CEP72: variants seen among roughly 807,000 people sequenced by gnomAD.
CEP72 encodes the protein centrosomal protein 72.
A neutral mutation model predicts 65.7 loss-of-function variants in CEP72; 78 were observed. That is an observed-to-expected ratio of 1.19 (90% CI 0.99 to 1.43). CEP72 has a LOEUF of 1.43. CEP72 is among the 40% of genes most tolerant of loss of function. The probability of loss-of-function intolerance (pLI) is 0.00; values close to 1 mark genes in which losing one functional copy is unlikely to be tolerated. For missense variants in CEP72, 914 were observed against 832.9 expected (o/e 1.10, Z -1.20); for synonymous variants, 358 against 351.7 (o/e 1.02, Z -0.20).
At chr5:652,902 A>G in intron 11 of CEP72, 86 bp from the exon 12 acceptor site, 1 of 1,393,206 alleles carries the variant, frequency 7.2e-7, no homozygotes, top group Non-Finnish European at 9.5e-7. Flanking sequence ...GTGCCCATGC[A>G]GGGAGGTGGG....
intron 9 of CEP72, among the ~76,000 whole-genome samples, chr5:643,881 G>C (rs1738231654): frequency 6.6e-6 from 1 of 152,242 alleles, no homozygotes; most frequent in Admixed American, 6.5e-5. Context: ...GGGGGTTCCT[G>C]CAGGGCCACC....
chr5:647,428 C>T (rs552817160), intron 10 of CEP72, among the ~76,000 whole-genome samples: 76 of 152,356 alleles, frequency 5.0e-4, no homozygotes, highest in African/African-American at 1.5e-3. Flanking sequence ...GTGCTTTTCC[C>T]GAAACCCACA....
At chr5:613,375 CG>C (rs974350286) in intron 1 of CEP72, among the ~76,000 whole-genome samples, 1 of 150,352 alleles carries the variant, frequency 6.7e-6, no homozygotes, top group Non-Finnish European at 1.5e-5. Flanking sequence ...GAGATCTGAG[CG>C]GTTTTTTTTT....
the CEP72 span, among the ~76,000 whole-genome samples, chr5:675,541 C>T: frequency 2.6e-4 from 11 of 42,906 alleles, no homozygotes; most frequent in East Asian, 3.3e-3. Flanking sequence ...CCGGGGATGC[C>T]GTGTGGCCGG....
intron 8 of CEP72, 64 bp from the exon 9 acceptor site, chr5:640,344 G>T (rs903221610): frequency 1.9e-6 from 3 of 1,563,874 alleles, no homozygotes; most frequent in African/African-American, 1.4e-5. Context: ...ATACTGAGCC[G>T]ATTTTGTTTA....
chr5:639,498 T>G lies in CEP72; in HGVS notation c.1342+274T>G, dbSNP rs1737857563. Among the ~76,000 whole-genome samples the G allele has an allele frequency of 2.0e-5, 3 of 152,252 alleles. No individual in the cohort carries two copies. In the South Asian group the frequency reaches 6.2e-4, roughly 32 times the overall value. On this transcript the variant is annotated intron_variant, in intron 8 of 11. Transcript: ENST00000264935. The stretch of plus-strand genomic sequence containing the variant: ...GCCTGTCACCTCATTTTGCTCAAAA[T>G]GCTGTCCAAAGGGGCTTGGTTCTGA...
chr5:644,255 C>T, intron 9 of CEP72, 44 bp from the exon 10 acceptor site: 1 of 1,598,382 alleles, frequency 6.3e-7, no homozygotes, highest in South Asian at 1.1e-5. Flanking sequence ...ACGCATTTTA[C>T]TGAATTTGAC....
At position 624,143 on chromosome 5, in the gene CEP72, C is replaced by G. The variant is rs946609022; in HGVS notation, c.404-328C>G. On this transcript the variant is annotated intron_variant, in intron 3 of 11. Transcript: ENST00000264935. This position sits in a 1 kb window ranked among gnomAD's most constrained non-coding sequence, Gnocchi z 4.7. Reference sequence around the variant, plus strand: ...GCAGGCTCCCTCCGTGGAGGCTTCTCTGGGTTACCTGAGTGTGACTTGAGA... The same window carrying G: ...GCAGGCTCCCTCCGTGGAGGCTTCTGTGGGTTACCTGAGTGTGACTTGAGA... 6.6e-6 allele frequency among the ~76,000 whole-genome samples: 1 copy of G among 152,220 alleles called. No individual in the cohort carries two copies. The highest frequency in any genetic ancestry group is 6.5e-5 in the Admixed American group (1 of 15,284).
At chr5:658,183 A>G (rs560157483), downstream of CEP72, among the ~76,000 whole-genome samples, 54 of 152,374 alleles carry the variant, frequency 3.5e-4, no homozygotes, top group African/African-American at 1.2e-3. Context: ...GGTAGAGACC[A>G]TCTCCAGCCA....
chr5:637,149 G>T (rs910076707), intron 6 of CEP72, among the ~76,000 whole-genome samples: 2 of 152,190 alleles, frequency 1.3e-5, no homozygotes, highest in Non-Finnish European at 2.9e-5. Context: ...TTCAGAGATG[G>T]GCGTGTGCTT....
chr5:629,003 G>A (rs543882205), intron 4 of CEP72, among the ~76,000 whole-genome samples: 7 of 137,736 alleles, frequency 5.1e-5, no homozygotes, highest in East Asian at 2.2e-4. Flanking sequence ...TTTGTGCAGC[G>A]TTCTGGAGAA....
chr5:635,565 G>A lies in CEP72; in HGVS notation c.885G>A (p.Thr295=), dbSNP rs747153451. 14 of 1,613,012 alleles carry A rather than the reference G, an allele frequency of 8.7e-6. No homozygotes were observed. The highest frequency in any genetic ancestry group is 3.4e-4 in the Middle Eastern group (2 of 5,930). ...CCTCCCGTGCCCCCAGGCCACACAC[G>A]TACTTCACCCCACACCCAGGTACTT... is the stretch of plus-strand genomic sequence containing the variant. ...PEASRAPRPH[T]YFTPHPDSMD... is the part of the protein sequence containing the mutation. The change falls in exon 6 of 12, where the codon ACG becomes ACA. Residue 295 remains threonine, a synonymous_variant. Coordinates refer to ENST00000264935, the MANE Select transcript of CEP72 (RefSeq NM_018140.4).
At chr5:669,618 C>T (rs971861343), downstream of CEP72, among the ~76,000 whole-genome samples, 9 of 151,688 alleles carry the variant, frequency 5.9e-5, no homozygotes, top group African/African-American at 9.7e-5. Context: ...CCCTTTCTGA[C>T]GGCCTCGGAG....
chr5:637,634 G>C lies in CEP72; in HGVS notation c.1022G>C (p.Arg341Thr), dbSNP rs988957304. The change falls in exon 7 of 12, where the codon AGA becomes ACA. Residue 341 changes from arginine (R) to threonine (T), a missense_variant. By Grantham distance (71) the Arg-to-Thr change is moderately conservative. Coordinates refer to ENST00000264935, the MANE Select transcript of CEP72 (RefSeq NM_018140.4). ...AGGAAGCGAAGAATGCCTGTTGGAA[G>C]ATTCCAGACGTTTTCGGACCAGGAG... Reference protein sequence around the residue: ...KCRKRRMPVGRFQTFSDQEGL... With the variant: ...KCRKRRMPVGTFQTFSDQEGL... 53 of 1,613,970 alleles carry C rather than the reference G, an allele frequency of 3.3e-5. No individual in the cohort carries two copies. The highest frequency in any genetic ancestry group is 4.2e-5 in the Non-Finnish European group (50 of 1,180,052).
At chr5:659,151 T>C (rs1051027177), downstream of CEP72, among the ~76,000 whole-genome samples, 1 of 152,292 alleles carries the variant, frequency 6.6e-6, no homozygotes, top group African/African-American at 2.4e-5. Flanking sequence ...GCTTATGGCA[T>C]GTGTGCGTTT....
At chr5:659,572 C>T (rs148772694), downstream of CEP72, among the ~76,000 whole-genome samples, 7 of 150,736 alleles carry the variant, frequency 4.6e-5, no homozygotes, top group Non-Finnish European at 1.0e-4. Context: ...TGGTGGTGTT[C>T]ACAGTGTTCA....
rs3892258 is a variant in CEP72 at position 643,891 on chromosome 5, C to T, written c.1540-408C>T. ...CAGAAGGGGGTTCCTGCAGGGCCAC[C>T]GGTGCCTCACACTGGCACCAAGGCC... On this transcript the variant is annotated intron_variant, in intron 9 of 11. Coordinates refer to ENST00000264935, the MANE Select transcript of CEP72 (RefSeq NM_018140.4). 2.1e-3 allele frequency among the ~76,000 whole-genome samples: 320 copies of T among 152,346 alleles called. 4 individuals carry two copies. The highest frequency in any genetic ancestry group is 7.4e-3 in the African/African-American group (308 of 41,590).
Position 631,831 on chromosome 5 carries a change from G to A in CEP72, c.513-1938G>A, listed in dbSNP as rs1183769282. Among the ~76,000 whole-genome samples, 50 of 38,362 alleles carry A rather than the reference G, an allele frequency of 1.3e-3. 1 individual carries two copies. The highest frequency in any genetic ancestry group is 8.1e-3 in the Admixed American group (32 of 3,968). 25.2% of individuals were successfully genotyped at this position (38,362 alleles called of 152,430 possible). A position where few individuals can be genotyped will look rare whatever the true frequency, so the allele number is the denominator to read the frequency against. ...TCCTGGTGGGGTTCTGTCCAGTGCCGGGATTTAGACCAGTCCTGGTGGGGT... is the reference window on the plus strand; with the variant it reads ...TCCTGGTGGGGTTCTGTCCAGTGCCAGGATTTAGACCAGTCCTGGTGGGGT... On this transcript the variant is annotated intron_variant, in intron 4 of 11. Transcript: ENST00000264935.
At chr5:642,574 G>T (rs1738129166) in intron 9 of CEP72, 1 of 985,484 alleles carries the variant, frequency 1.0e-6, no homozygotes, top group South Asian at 4.7e-5. Flanking sequence ...GTGCTGCCAG[G>T]GGTGAGAGTC....
Sources: allele counts gnomAD v4.1 joint callset (sites outside exome capture counted in the v4.1 genomes callset), GRCh38; gene constraint gnomAD v4.1.1; non-coding constraint Gnocchi (gnomAD v3.1); transcripts MANE v1.5; gene names NCBI Gene and HGNC (gene_info 2026-07-23, HGNC 2026-07-21).